Variants in RREB1 observed in about 807,000 individuals in gnomAD.
RREB1 encodes ras-responsive element-binding protein 1.
Under a neutral mutation model 117.8 loss-of-function variants are expected in RREB1, and 27 were observed. That is an observed-to-expected ratio of 0.23 (90% CI 0.17 to 0.32). The LOEUF (loss-of-function observed/expected upper bound fraction) is 0.32, where lower values mean the gene tolerates loss of function less well. RREB1 is among the 10% of genes least tolerant of loss of function. The probability of loss-of-function intolerance (pLI) is 1.00; values close to 1 mark genes in which losing one functional copy is unlikely to be tolerated. For missense variants in RREB1, 2,577 were observed against 2,378.2 expected, an observed-to-expected ratio of 1.08 and a Z score of -1.74; for synonymous variants, 1,298 against 1,026.7, an observed-to-expected ratio of 1.26 and a Z score of -5.05.
At chr6:7,188,381 G>A (rs1765214148) in intron 5 of RREB1, among the ~76,000 whole-genome samples, 1 of 151,952 alleles carries the variant, frequency 6.6e-6, no homozygotes, top group Non-Finnish European at 1.5e-5. Context: ...TTCCCAAGTA[G>A]CTGGGATTAC....
At chr6:7,154,141 A>G (rs1351533557) in intron 1 of RREB1, among the ~76,000 whole-genome samples, 1 of 152,212 alleles carries the variant, frequency 6.6e-6, no homozygotes, top group East Asian at 1.9e-4. Flanking sequence ...TTTCCATTTC[A>G]TCTCCATAAG....
Position 7,190,148 on chromosome 6 carries a change from G to GAT in RREB1, c.425+828_425+829dup, listed in dbSNP as rs1765327235. On this transcript the variant is annotated intron_variant, in intron 6 of 12. Coordinates refer to ENST00000379938, the MANE Select transcript of RREB1 (RefSeq NM_001003699.4). ...ATTACACGTACACATGGGACATACT[G>GAT]ATACAGCGGTTAAGTTTCTTGATTT... is the stretch of plus-strand genomic sequence containing the variant. Among the ~76,000 whole-genome samples, 4 of 152,298 alleles carry GAT rather than the reference G, an allele frequency of 2.6e-5. No homozygotes were observed. The South Asian group carries it at 8.3e-4, about 32-fold the overall frequency.
At chr6:7,174,490 G>GAAATA (rs533044767) in intron 1 of RREB1, among the ~76,000 whole-genome samples, 1 of 152,030 alleles carries the variant, frequency 6.6e-6, no homozygotes, top group African/African-American at 2.4e-5. Flanking sequence ...AAAATGAAGG[G>GAAATA]AAATAAAATA....
chr6:7,208,860 G>C (rs1381735858), intron 6 of RREB1, among the ~76,000 whole-genome samples: 1 of 152,236 alleles, frequency 6.6e-6, no homozygotes, highest in Non-Finnish European at 1.5e-5. Context: ...TGGTGATCCA[G>C]AACAGAGTTA....
chr6:7,229,997 A>G lies in RREB1; in HGVS notation c.1898A>G (p.Lys633Arg), dbSNP rs751332792. 3.7e-6 allele frequency: 6 copies of G among 1,607,662 alleles called. No individual in the cohort carries two copies. The East Asian group carries it at 1.1e-4, about 30-fold the overall frequency. Residue 633 changes from lysine to arginine, a missense_variant, in exon 10 of 13, where the codon AAG becomes AGG. Physicochemically the swap from Lys to Arg is conservative, Grantham distance 26. Coordinates refer to ENST00000379938, the MANE Select transcript of RREB1 (RefSeq NM_001003699.4). This position sits in a 1 kb window ranked among gnomAD's most constrained non-coding sequence, Gnocchi z 4.5. ...GCCTTCATGACAGCGCCCGGCGGCAAGAAGACGCCCGCCATGCGCAAGGTG... is the reference window on the plus strand; with the variant it reads ...GCCTTCATGACAGCGCCCGGCGGCAGGAAGACGCCCGCCATGCGCAAGGTG... Reference protein sequence around the residue: ...LKAFMTAPGGKKTPAMRKVLY... With the variant: ...LKAFMTAPGGRKTPAMRKVLY...
intron 1 of RREB1, among the ~76,000 whole-genome samples, chr6:7,138,817 C>T (rs967762805): frequency 6.6e-5 from 10 of 152,154 alleles, no homozygotes; most frequent in Admixed American, 4.6e-4. Flanking sequence ...TTAAAAGTAA[C>T]TTGTTCCTAG....
chr6:7,228,391 GATACCCT>G (rs1767710395), intron 9 of RREB1, among the ~76,000 whole-genome samples: 2 of 151,514 alleles, frequency 1.3e-5, no homozygotes, highest in Non-Finnish European at 2.9e-5. Flanking sequence ...TCTCTAGTGA[GATACCCT>G]GTGGGTTGAT....
chr6:7,167,166 A>C (rs559414151), intron 1 of RREB1, among the ~76,000 whole-genome samples: 1 of 152,208 alleles, frequency 6.6e-6, no homozygotes, highest in African/African-American at 2.4e-5. Context: ...TCCGTAATTA[A>C]CCAAACGTGA....
In RREB1 at chr6:7,230,527, C is replaced by T. The variant is rs766524072; in HGVS notation, c.2428C>T (p.Leu810Phe). 2 of 1,595,560 alleles carry T rather than the reference C, an allele frequency of 1.3e-6. No individual in the cohort carries two copies. Among genetic ancestry groups the T allele is most frequent in the South Asian group, 2.2e-5 (2 of 90,344 alleles). ...AAKRNCIHHI[L>F]KQHLHVPEQD... Reference sequence around the variant, plus strand: ...CAAGCGCAACTGCATCCACCACATCCTCAAGCAGCACCTGCACGTGCCCGA... The same window carrying T: ...CAAGCGCAACTGCATCCACCACATCTTCAAGCAGCACCTGCACGTGCCCGA... Residue 810 changes from leucine (L) to phenylalanine (F), a missense_variant, in exon 10 of 13, where the codon CTC (leucine) becomes TTC (phenylalanine). Leu to Phe is a conservative substitution (Grantham distance 22). Coordinates refer to ENST00000379938, the MANE Select transcript of RREB1 (RefSeq NM_001003699.4).
In RREB1 at chr6:7,247,892, C is replaced by T. The variant is rs184515894; in HGVS notation, c.4772-619C>T. ...AAAATAACCTGTCCCTCCTCTCAGC[C>T]GCAGCTTCCCTCCCTGTCACAGCTG... On this transcript the variant is annotated intron_variant, in intron 12 of 12. Transcript: ENST00000379938. Among the ~76,000 whole-genome samples the T allele has an allele frequency of 1.1e-3, 175 of 152,336 alleles. 2 individuals carry two copies. The highest frequency in any genetic ancestry group is 3.9e-3 in the African/African-American group (162 of 41,580).
At chr6:7,188,984 T>A (rs1175196272) in intron 5 of RREB1, among the ~76,000 whole-genome samples, 175 bp from the exon 6 acceptor site, 1 of 152,244 alleles carries the variant, frequency 6.6e-6, no homozygotes, top group Non-Finnish European at 1.5e-5. Flanking sequence ...AAATATTTAT[T>A]TGCCTGTTTT....
At chr6:7,235,641 G>C (rs947448669) in intron 10 of RREB1, among the ~76,000 whole-genome samples, 2 of 152,226 alleles carry the variant, frequency 1.3e-5, no homozygotes, top group Non-Finnish European at 2.9e-5. Flanking sequence ...AAATCTAGCT[G>C]AGTTCCAGCC....
intron 1 of RREB1, among the ~76,000 whole-genome samples, chr6:7,131,854 C>A (rs1762168835): frequency 6.6e-6 from 1 of 151,740 alleles, no homozygotes; most frequent in Admixed American, 6.6e-5. Flanking sequence ...AGGTTAAGCT[C>A]CTTGAGGACT....
intron 5 of RREB1, 39 bp from the exon 6 acceptor site, chr6:7,189,120 A>T: frequency 6.4e-7 from 1 of 1,564,788 alleles, no homozygotes; most frequent in Non-Finnish European, 8.7e-7. Flanking sequence ...CTTCTGATGC[A>T]CTTTCTTAAG....
At chr6:7,178,740 G>A (rs1764635995) in intron 2 of RREB1, among the ~76,000 whole-genome samples, 1 of 152,062 alleles carries the variant, frequency 6.6e-6, no homozygotes, top group Non-Finnish European at 1.5e-5. Context: ...TTAGAGATGA[G>A]TCTCTATTTT....
intron 10 of RREB1, among the ~76,000 whole-genome samples, chr6:7,234,729 G>A (rs1323461783): frequency 2.0e-5 from 3 of 152,200 alleles, no homozygotes; most frequent in Non-Finnish European, 4.4e-5. Context: ...ACAATCCTGT[G>A]AGGGTGATGT....
intron 1 of RREB1, among the ~76,000 whole-genome samples, chr6:7,145,536 A>G (rs533778558): frequency 5.3e-5 from 8 of 152,292 alleles, no homozygotes; most frequent in African/African-American, 1.9e-4. Flanking sequence ...CCGAAGAAGA[A>G]GAAGAAAAGA....
intron 1 of RREB1, among the ~76,000 whole-genome samples, chr6:7,158,406 C>G (rs774802078): frequency 2.0e-5 from 3 of 152,160 alleles, no homozygotes; most frequent in Non-Finnish European, 4.4e-5. Context: ...TCAGCCTACA[C>G]CCCCTACTGC....
intron 1 of RREB1, among the ~76,000 whole-genome samples, chr6:7,163,150 T>TA (rs1763750534): frequency 6.6e-6 from 1 of 152,236 alleles, no homozygotes; most frequent in Admixed American, 6.5e-5. Context: ...AGCAGAGCGT[T>TA]AAAGTTTAAC....
Sources: allele counts gnomAD v4.1 joint callset (sites outside exome capture counted in the v4.1 genomes callset), GRCh38; gene constraint gnomAD v4.1.1; non-coding constraint Gnocchi (gnomAD v3.1); transcripts MANE v1.5; gene names NCBI Gene and HGNC (gene_info 2026-07-23, HGNC 2026-07-21).